Variants in DCLK2 observed in about 807,000 individuals in gnomAD.
The protein encoded by DCLK2 is serine/threonine-protein kinase DCLK2.
In DCLK2, 31 loss-of-function variants were observed where a neutral mutation model predicts 78.4. The ratio of observed to expected loss-of-function variants is 0.40; its 90% CI spans 0.30 to 0.53. The LOEUF is 0.53. Among genes scored for constraint, DCLK2 ranks in the 20% least tolerant of loss-of-function variants. DCLK2 has a pLI of 0.61. For synonymous variants in DCLK2, 407 were observed against 374.9 expected, an observed-to-expected ratio of 1.09 and a Z score of -0.99; for missense variants, 872 against 973.7, an observed-to-expected ratio of 0.90 and a Z score of 1.39.
chr4:150,117,372 T>TC (rs200932481), intron 2 of DCLK2, among the ~76,000 whole-genome samples: 1,718 of 152,294 alleles, frequency 0.011, 14 homozygotes, highest in Non-Finnish European at 0.019. Context: ...CCATAAGCCT[T>TC]CCTTGAGGAG....
intron 15 of DCLK2, chr4:150,253,429 A>G: frequency 7.8e-7 from 1 of 1,288,538 alleles, no homozygotes; most frequent in Non-Finnish European, 1.0e-6. Flanking sequence ...CATAAAGGTG[A>G]AAAAAAAGTA....
intron 2 of DCLK2, among the ~76,000 whole-genome samples, chr4:150,169,299 T>C (rs964508050): frequency 6.6e-6 from 1 of 152,232 alleles, no homozygotes; most frequent in Non-Finnish European, 1.5e-5. Flanking sequence ...TTAAAAACTT[T>C]AGACAAATTA....
At chr4:150,171,701 A>C (rs1736543285) in intron 2 of DCLK2, among the ~76,000 whole-genome samples, 1 of 152,212 alleles carries the variant, frequency 6.6e-6, no homozygotes, top group Non-Finnish European at 1.5e-5. Context: ...GGTTGAGGGT[A>C]GGAGGAGAGG....
chr4:150,237,256 T>G (rs1742581324), intron 10 of DCLK2, among the ~76,000 whole-genome samples: 1 of 152,108 alleles, frequency 6.6e-6, no homozygotes. Flanking sequence ...AGATTGTTCT[T>G]GTTAATGTTT....
Position 150,256,435 on chromosome 4 carries a change from C to T in DCLK2, c.*188C>T. 1 of 723,976 alleles carries T rather than the reference C, an allele frequency of 1.4e-6. No individual in the cohort carries two copies. Among genetic ancestry groups the T allele is most frequent in the Non-Finnish European group, 2.1e-6 (1 of 465,898 alleles). The allele number at this position is 723,976 out of a possible 1,614,324, so 44.8% of individuals were successfully genotyped here. A position where few individuals can be genotyped will look rare whatever the true frequency, so the allele number is the denominator to read the frequency against. On this transcript the variant is annotated 3_prime_UTR_variant, in exon 16 of 16. Transcript: ENST00000296550. ...GCCTGGCCTGGTGCTCTGGGCTCTG[C>T]CTTCTGGTTCCTGGAGGCATCAAAG...
At chr4:150,087,360 T>C (rs953389687) in intron 1 of DCLK2, among the ~76,000 whole-genome samples, 13 of 152,244 alleles carry the variant, frequency 8.5e-5, no homozygotes, top group Admixed American at 8.5e-4. Flanking sequence ...TCACAATAGA[T>C]GTTTTAAAAT....
chr4:150,150,660 C>T (rs1734821928), intron 2 of DCLK2, among the ~76,000 whole-genome samples: 1 of 152,162 alleles, frequency 6.6e-6, no homozygotes, highest in South Asian at 2.1e-4. Context: ...GCTTAATGCC[C>T]TCTTGCAGAG....
intron 2 of DCLK2, among the ~76,000 whole-genome samples, chr4:150,116,129 G>A (rs1430992316): frequency 6.6e-6 from 1 of 152,190 alleles, no homozygotes; most frequent in Non-Finnish European, 1.5e-5. Flanking sequence ...GAGGAACTGT[G>A]ACTTTATACC....
chr4:150,252,611 C>T (rs1435963321), intron 15 of DCLK2, among the ~76,000 whole-genome samples: 2 of 152,232 alleles, frequency 1.3e-5, no homozygotes, highest in African/African-American at 2.4e-5. Context: ...CAGACAGAAC[C>T]TATGTCGTGT....
rs532114676 is a variant in DCLK2 at position 150,170,322 on chromosome 4, G to T, written c.757-22816G>T. Among the ~76,000 whole-genome samples the T allele has an allele frequency of 7.6e-4, 115 of 152,252 alleles. 2 individuals are homozygous for T. In the South Asian group the frequency reaches 0.021, roughly 28 times the overall value. ...GCTTCCCAAAGTTCTGGGATTATAG[G>T]CATGAGCCACCATGCCCGGCCAGTT... is the stretch of plus-strand genomic sequence containing the variant. On this transcript the variant is annotated intron_variant, in intron 2 of 15. Coordinates refer to ENST00000296550, the MANE Select transcript of DCLK2 (RefSeq NM_001040260.4).
intron 2 of DCLK2, among the ~76,000 whole-genome samples, chr4:150,143,766 G>A (rs892164108): frequency 1.3e-5 from 2 of 152,026 alleles, no homozygotes; most frequent in African/African-American, 4.8e-5. Context: ...TAGGATAATA[G>A]CTCAGTGGGG....
intron 2 of DCLK2, among the ~76,000 whole-genome samples, chr4:150,112,809 T>A (rs2150169345): frequency 7.2e-6 from 1 of 139,810 alleles, no homozygotes; most frequent in African/African-American, 2.7e-5. Context: ...ATTATCTTTT[T>A]CTTTCCCCGC....
At chr4:150,252,428 C>G (rs925417236) in intron 15 of DCLK2, among the ~76,000 whole-genome samples, 3 of 152,288 alleles carry the variant, frequency 2.0e-5, no homozygotes, top group Admixed American at 2.0e-4. Flanking sequence ...AGAGTTTGCT[C>G]GGAGACTGTG....
rs1345250466 is a variant in DCLK2, at chr4:150,193,138, G to C, written c.757G>C (p.Val253Leu). 6.3e-7 allele frequency: 1 copy of C among 1,597,348 alleles called. No homozygotes were observed. Residue 253 changes from valine to leucine, a missense_variant and splice_region_variant, in exon 3 of 16, where the codon GTT becomes CTT. By Grantham distance (32) the Val-to-Leu change is conservative (BLOSUM62 1). Around this residue, in one of 3 missense-constraint regions of DCLK2, gnomAD observed 567 missense variants for 593.4 expected, o/e 0.96. Transcript: ENST00000296550. Reference sequence around the variant, plus strand: ...TCTTGGACATGATTTTTGTTCTCAGGTTACTTGTCTGCAAGACTTTTTTGG... The same window carrying C: ...TCTTGGACATGATTTTTGTTCTCAGCTTACTTGTCTGCAAGACTTTTTTGG... Reference protein sequence around the residue: ...KRLCTLDGKQVTCLQDFFGDD... With the variant: ...KRLCTLDGKQLTCLQDFFGDD...
chr4:150,210,351 G>A (rs189408066), intron 5 of DCLK2, among the ~76,000 whole-genome samples: 2 of 152,220 alleles, frequency 1.3e-5, no homozygotes, highest in East Asian at 1.9e-4. Flanking sequence ...ATGCAGTAGC[G>A]TACAAGGGGG....
chr4:150,086,045 C>T (rs1729612502), intron 1 of DCLK2, among the ~76,000 whole-genome samples: 1 of 152,166 alleles, frequency 6.6e-6, no homozygotes, highest in African/African-American at 2.4e-5. Flanking sequence ...GTTCTTAAAA[C>T]ACCTCAGTAA....
intron 2 of DCLK2, among the ~76,000 whole-genome samples, chr4:150,154,022 G>T (rs543137443): frequency 6.6e-6 from 1 of 152,288 alleles, no homozygotes; most frequent in African/African-American, 2.4e-5. Context: ...TGTGTAATTG[G>T]AAACTTGATG....
chr4:150,199,104 T>A (rs763103676), intron 4 of DCLK2: 13 of 1,589,416 alleles, frequency 8.2e-6, no homozygotes, highest in Non-Finnish European at 1.0e-5. Flanking sequence ...TGTGGCTTTG[T>A]TGCTCTGCTG....
rs1743432844 is a variant in DCLK2 at position 150,247,667 on chromosome 4, C to G, written c.1843C>G (p.Pro615Ala). 6.2e-7 allele frequency: 1 copy of G among 1,614,044 alleles called. No homozygotes were observed. The highest frequency in any genetic ancestry group is 8.5e-7 in the Non-Finnish European group (1 of 1,180,000). The change falls in exon 13 of 16, where the codon CCC (proline) becomes GCC (alanine). Residue 615 changes from proline (P) to alanine (A), a missense_variant. This residue lies in a region of DCLK2 where 219 missense variants were observed against 230.1 expected (regional missense o/e 0.95). Transcript: ENST00000296550. ...ILAGKLEFPAPYWDNITDSAK... is the reference protein window; with the variant it reads ...ILAGKLEFPAAYWDNITDSAK... ...GGCTGGGAAGCTGGAGTTTCCGGCC[C>G]CCTACTGGGATAACATCACGGACTC...
Sources: allele counts gnomAD v4.1 joint callset (sites outside exome capture counted in the v4.1 genomes callset), GRCh38; gene constraint gnomAD v4.1.1; regional missense constraint gnomAD v4.1.1; transcripts MANE v1.5; gene names NCBI Gene and HGNC (gene_info 2026-07-23, HGNC 2026-07-21).